Variants in EPHA5 observed in about 807,000 individuals in gnomAD.
The protein encoded by EPHA5 is ephrin type-A receptor 5.
Under a neutral mutation model 105.0 loss-of-function variants are expected in EPHA5, and 60 were observed. The observed-to-expected ratio is 0.57, with a 90% CI of 0.46 to 0.71. The LOEUF is 0.71. Ranked by LOEUF, EPHA5 falls within the 30% of genes least tolerant of loss-of-function variation. The probability of loss-of-function intolerance (pLI) is 0.00; values close to 1 mark genes in which losing one functional copy is unlikely to be tolerated. For synonymous variants in EPHA5, 513 were observed against 449.1 expected, an observed-to-expected ratio of 1.14 and a Z score of -1.80; for missense variants, 1,218 against 1,274.7, an observed-to-expected ratio of 0.96 and a Z score of 0.68.
At chr4:65,635,435 A>T (rs1747031248) in intron 2 of EPHA5, among the ~76,000 whole-genome samples, 1 of 152,128 alleles carries the variant, frequency 6.6e-6, no homozygotes, top group Admixed American at 6.6e-5. Flanking sequence ...AAAATAGAGC[A>T]AAAATCAAAG....
At chr4:65,370,922 C>T (rs561793947) in intron 8 of EPHA5, among the ~76,000 whole-genome samples, 1 of 152,066 alleles carries the variant, frequency 6.6e-6, no homozygotes, top group Non-Finnish European at 1.5e-5. Context: ...GAGACTGGTA[C>T]TCAGGCAGCA....
At chr4:65,343,676 A>G (rs1171133449) in intron 14 of EPHA5, among the ~76,000 whole-genome samples, 1 of 152,194 alleles carries the variant, frequency 6.6e-6, no homozygotes, top group Non-Finnish European at 1.5e-5. Context: ...AAGGCATAGG[A>G]AATTTAATGC....
intron 8 of EPHA5, among the ~76,000 whole-genome samples, chr4:65,386,156 C>T (rs1235982147): frequency 6.6e-6 from 1 of 151,880 alleles, no homozygotes; most frequent in African/African-American, 2.4e-5. Context: ...TAGCTCTGTT[C>T]TGTGAAGTGC....
chr4:65,605,233 G>T (rs1397043927), intron 2 of EPHA5, among the ~76,000 whole-genome samples: 3 of 152,142 alleles, frequency 2.0e-5, no homozygotes, highest in Admixed American at 2.0e-4. Flanking sequence ...TTGCTGGCCA[G>T]GCATCTCACA....
chr4:65,464,351 A>G (rs548963020), intron 5 of EPHA5, among the ~76,000 whole-genome samples: 1 of 152,200 alleles, frequency 6.6e-6, no homozygotes, highest in South Asian at 2.1e-4. Context: ...TAAAACAACA[A>G]AAAGAAGAAG....
rs559500166 is a variant in EPHA5, at chr4:65,583,687, G to A, written c.910+17954C>T. Among the ~76,000 whole-genome samples the A allele has an allele frequency of 7.9e-5, 12 of 151,722 alleles. No homozygotes were observed. The East Asian group carries it at 1.7e-3, about 22-fold the overall frequency. On this transcript the variant is annotated intron_variant, in intron 3 of 16. Transcript: ENST00000613740. The stretch of plus-strand genomic sequence containing the variant: ...ATAAGGCTAATTTGAATGTGGTCCG[G>A]CACTTTTCCCTATGGCTTGTGGTTA...
At chr4:65,441,113 T>C (rs1038279700) in intron 5 of EPHA5, among the ~76,000 whole-genome samples, 2 of 152,132 alleles carry the variant, frequency 1.3e-5, no homozygotes, top group African/African-American at 4.8e-5. Flanking sequence ...TCCCTGTCAA[T>C]ATACTATATT....
rs540638693 is a variant in EPHA5, at chr4:65,617,286, A to G, written c.247-14982T>C. Among the ~76,000 whole-genome samples the G allele has an allele frequency of 1.1e-4, 17 of 152,104 alleles. No homozygotes were observed. The South Asian group carries it at 3.3e-3, about 30-fold the overall frequency. On this transcript the variant is annotated intron_variant, in intron 2 of 16. Transcript: ENST00000613740. ...TCAGTGTACACATTTGTATCCCCCA[A>G]TGGATTCATTCTCTTGCCCCAATTT...
intron 1 of EPHA5, among the ~76,000 whole-genome samples, chr4:65,652,011 C>T (rs1184879752): frequency 6.6e-6 from 1 of 152,072 alleles, no homozygotes; most frequent in Non-Finnish European, 1.5e-5. Context: ...CGGTGGCTAC[C>T]TTGTCAGGTA....
At chr4:65,342,923 T>C (rs1260573863) in intron 14 of EPHA5, among the ~76,000 whole-genome samples, 1 of 151,630 alleles carries the variant, frequency 6.6e-6, no homozygotes, top group Non-Finnish European at 1.5e-5. Context: ...GAAGTAGTAA[T>C]AAAACGACTG....
At chr4:65,334,239 C>T (rs1177579649) in intron 15 of EPHA5, among the ~76,000 whole-genome samples, 1 of 151,852 alleles carries the variant, frequency 6.6e-6, no homozygotes, top group Non-Finnish European at 1.5e-5. Context: ...GCACCTAGCC[C>T]ACAGCATGAC....
chr4:65,625,691 A>G (rs1406608142), intron 2 of EPHA5, among the ~76,000 whole-genome samples: 1 of 152,242 alleles, frequency 6.6e-6, no homozygotes, highest in Non-Finnish European at 1.5e-5. Flanking sequence ...ATAGTCCACA[A>G]CATAATACTA....
At chr4:65,442,866 G>T (rs1327288535) in intron 5 of EPHA5, among the ~76,000 whole-genome samples, 1 of 152,108 alleles carries the variant, frequency 6.6e-6, no homozygotes, top group African/African-American at 2.4e-5. Flanking sequence ...ATGCAGAGGA[G>T]GGTAAGTGAC....
intron 3 of EPHA5, among the ~76,000 whole-genome samples, chr4:65,580,255 TACAGAACC>T (rs1741483621): frequency 1.3e-5 from 2 of 151,886 alleles, no homozygotes; most frequent in Non-Finnish European, 2.9e-5. Context: ...CTGCTGTAAC[TACAGAACC>T]AAACAATTTT....
chr4:65,423,449 T>G (rs4364313), intron 5 of EPHA5, among the ~76,000 whole-genome samples: 6 of 152,104 alleles, frequency 3.9e-5, no homozygotes, highest in East Asian at 1.9e-4. Context: ...GAATATCTAC[T>G]TAAATTATTA....
chr4:65,573,799 G>A lies in EPHA5; in HGVS notation c.910+27842C>T, dbSNP rs1437866157. On this transcript the variant is annotated intron_variant, in intron 3 of 16. Coordinates refer to ENST00000613740, the MANE Select transcript of EPHA5 (RefSeq NM_001281766.3). ...GTGGTTAAACTTCGCAAAATGCCTA[G>A]ATATTATCCTACTGAAGATGTGCCT... 10 of 1,613,682 alleles carry A rather than the reference G, an allele frequency of 6.2e-6. No individual in the cohort carries two copies. In the African/African-American group the frequency reaches 1.1e-4, roughly 17 times the overall value.
intron 2 of EPHA5, among the ~76,000 whole-genome samples, chr4:65,632,881 T>C (rs762812740): frequency 1.7e-4 from 26 of 152,034 alleles, no homozygotes; most frequent in Admixed American, 1.1e-3. Context: ...ATCATTAAGA[T>C]GGATTTTATG....
chr4:65,341,574 ATATAT>A (rs1173428981), intron 14 of EPHA5, among the ~76,000 whole-genome samples: 4 of 149,722 alleles, frequency 2.7e-5, no homozygotes, highest in Admixed American at 6.7e-5. Context: ...TACATATTAT[ATATAT>A]TATATTTATA....
intron 8 of EPHA5, among the ~76,000 whole-genome samples, chr4:65,374,572 T>C (rs1343308384): frequency 6.6e-6 from 1 of 151,870 alleles, no homozygotes; most frequent in Admixed American, 6.6e-5. Flanking sequence ...AGATGAACGG[T>C]TTTGAAACAA....
Sources: allele counts gnomAD v4.1 joint callset (sites outside exome capture counted in the v4.1 genomes callset), GRCh38; gene constraint gnomAD v4.1.1; transcripts MANE v1.5; gene names NCBI Gene and HGNC (gene_info 2026-07-23, HGNC 2026-07-21).